Variants in OTUD7A observed in about 807,000 individuals in gnomAD.
OTUD7A encodes OTU domain-containing protein 7A.
In OTUD7A, 12 loss-of-function variants were observed where a neutral mutation model predicts 65.7. The observed-to-expected ratio is 0.18, with a 90% CI of 0.12 to 0.30. The LOEUF is 0.30. Ranked by LOEUF, OTUD7A falls within the 10% of genes least tolerant of loss-of-function variation. The probability of loss-of-function intolerance (pLI) is 1.00; values close to 1 mark genes in which losing one functional copy is unlikely to be tolerated. For missense variants in OTUD7A, 1,148 were observed against 1,304.8 expected, an observed-to-expected ratio of 0.88 and a Z score of 1.85; for synonymous variants, 641 against 586.3, an observed-to-expected ratio of 1.09 and a Z score of -1.35.
intron 1 of OTUD7A, among the ~76,000 whole-genome samples, chr15:31,857,108 T>C (rs932474567): frequency 1.3e-5 from 2 of 152,194 alleles, no homozygotes; most frequent in Non-Finnish European, 2.9e-5. Flanking sequence ...GACACTTCCT[T>C]GAGACGCCTC....
Position 31,734,401 on chromosome 15 carries a change from G to A in OTUD7A, c.-99-77324C>T, listed in dbSNP as rs370855754. ...AGATTCTTCATAGAACTAGAAAAAA[G>A]TATCTTAAATTTCATATGGAACCAA... On this transcript the variant is annotated intron_variant, in intron 1 of 12. Transcript: ENST00000307050. Among the ~76,000 whole-genome samples, 9 of 152,134 alleles carry A rather than the reference G, an allele frequency of 5.9e-5. No individual in the cohort carries two copies. The East Asian group carries it at 1.7e-3, about 29-fold the overall frequency.
intron 3 of OTUD7A, among the ~76,000 whole-genome samples, chr15:31,597,879 T>G (rs1159978362): frequency 6.6e-6 from 1 of 152,226 alleles, no homozygotes; most frequent in Non-Finnish European, 1.5e-5. Context: ...ATAGAGGGGC[T>G]GCTGGGCTTC....
chr15:31,849,814 T>C lies in OTUD7A; in HGVS notation c.-100+20693A>G, dbSNP rs143497584. Reference sequence around the variant, plus strand: ...CACATGAAAAAATGCTCATCATCACTGGCCATCACAGAAATGCAAATCAAA... The same window carrying C: ...CACATGAAAAAATGCTCATCATCACCGGCCATCACAGAAATGCAAATCAAA... On this transcript the variant is annotated intron_variant, in intron 1 of 12. Coordinates refer to ENST00000307050, the MANE Select transcript of OTUD7A (RefSeq NM_001382637.1). Among the ~76,000 whole-genome samples the C allele has an allele frequency of 1.4e-3, 217 of 152,304 alleles. 1 individual carries two copies. The highest frequency in any genetic ancestry group is 4.9e-3 in the African/African-American group (205 of 41,566).
intron 1 of OTUD7A, among the ~76,000 whole-genome samples, chr15:31,712,991 T>A (rs1339684392): frequency 6.6e-6 from 1 of 152,230 alleles, no homozygotes; most frequent in Non-Finnish European, 1.5e-5. Context: ...ATTTTAGATG[T>A]GTCATCTGTT....
chr15:31,646,859 G>A (rs1013806390), intron 3 of OTUD7A, among the ~76,000 whole-genome samples: 3 of 152,098 alleles, frequency 2.0e-5, no homozygotes, highest in African/African-American at 7.2e-5. Context: ...TTCCCCAATA[G>A]GAAGGAAATA....
intron 1 of OTUD7A, among the ~76,000 whole-genome samples, chr15:31,763,795 A>G (rs1895033589): frequency 1.3e-5 from 2 of 152,222 alleles, no homozygotes; most frequent in Admixed American, 1.3e-4. Context: ...TGAATACAGC[A>G]AGGAAAAATC....
At chr15:31,665,887 T>C (rs1892305493) in intron 1 of OTUD7A, among the ~76,000 whole-genome samples, 2 of 152,226 alleles carry the variant, frequency 1.3e-5, no homozygotes, top group African/African-American at 2.4e-5. Flanking sequence ...TTTTGTTGAA[T>C]GCTTTTTCTG....
intron 3 of OTUD7A, among the ~76,000 whole-genome samples, chr15:31,580,234 A>G (rs1041663552): frequency 2.0e-5 from 3 of 152,110 alleles, no homozygotes; most frequent in Non-Finnish European, 4.4e-5. Flanking sequence ...GGGCAGCAGG[A>G]GGAGAGGTCT....
intron 10 of OTUD7A, among the ~76,000 whole-genome samples, chr15:31,493,725 T>G (rs2041348607): frequency 6.6e-6 from 1 of 152,158 alleles, no homozygotes; most frequent in African/African-American, 2.4e-5. Context: ...CCCCCAAAAC[T>G]TGAAACTCAA....
chr15:31,760,565 T>G (rs559879043), intron 1 of OTUD7A, among the ~76,000 whole-genome samples: 1 of 152,358 alleles, frequency 6.6e-6, no homozygotes, highest in South Asian at 2.1e-4. Context: ...TTCCCAGTGT[T>G]GCTGTTAAAA....
intron 5 of OTUD7A, among the ~76,000 whole-genome samples, chr15:31,551,048 G>A (rs1888306588): frequency 6.6e-6 from 1 of 152,178 alleles, no homozygotes; most frequent in African/African-American, 2.4e-5. Flanking sequence ...TAGAGCAGCT[G>A]TGTGGATGGA....
intron 8 of OTUD7A, among the ~76,000 whole-genome samples, chr15:31,510,078 C>T (rs1237279607): frequency 1.3e-5 from 2 of 150,576 alleles, no homozygotes; most frequent in Non-Finnish European, 3.0e-5. Flanking sequence ...CGTCTGTTTC[C>T]CCTGTTTTTT....
intron 1 of OTUD7A, among the ~76,000 whole-genome samples, chr15:31,865,475 C>T (rs1032137112): frequency 2.0e-5 from 3 of 152,158 alleles, no homozygotes; most frequent in Non-Finnish European, 2.9e-5. Context: ...TCTTCTGCAA[C>T]GAAGACATGA....
intron 8 of OTUD7A, among the ~76,000 whole-genome samples, chr15:31,504,069 T>C (rs768052814): frequency 2.1e-4 from 32 of 152,068 alleles, no homozygotes; most frequent in Admixed American, 1.3e-4. Flanking sequence ...AGGTGAAGGG[T>C]GCCGGCCGCT....
chr15:31,728,282 A>T (rs190515877), intron 1 of OTUD7A, among the ~76,000 whole-genome samples: 29 of 152,234 alleles, frequency 1.9e-4, no homozygotes, highest in Admixed American at 1.8e-3. Context: ...TCCACCTTCA[A>T]AATAGCATTG....
chr15:31,721,185 A>T (rs1893728396), intron 1 of OTUD7A, among the ~76,000 whole-genome samples: 2 of 152,282 alleles, frequency 1.3e-5, no homozygotes, highest in Non-Finnish European at 2.9e-5. Flanking sequence ...CTATGTAATC[A>T]GTGTGTATGC....
At chr15:31,564,838 GA>G (rs1348575671) in intron 4 of OTUD7A, among the ~76,000 whole-genome samples, 4 of 152,034 alleles carry the variant, frequency 2.6e-5, no homozygotes, top group Non-Finnish European at 5.9e-5. Flanking sequence ...TATATCAGCA[GA>G]AAAAATGATA....
chr15:31,843,717 A>C (rs1446422865), intron 1 of OTUD7A, among the ~76,000 whole-genome samples: 1 of 152,222 alleles, frequency 6.6e-6, no homozygotes, highest in Non-Finnish European at 1.5e-5. Context: ...GCTACGCCTA[A>C]CTCAAACTTA....
At chr15:31,590,870 G>T (rs1403316049) in intron 3 of OTUD7A, among the ~76,000 whole-genome samples, 1 of 152,204 alleles carries the variant, frequency 6.6e-6, no homozygotes, top group Non-Finnish European at 1.5e-5. Flanking sequence ...TGTGGCCATG[G>T]ATTCACTGAG....
Sources: allele counts gnomAD v4.1 joint callset (sites outside exome capture counted in the v4.1 genomes callset), GRCh38; gene constraint gnomAD v4.1.1; transcripts MANE v1.5; gene names NCBI Gene and HGNC (gene_info 2026-07-23, HGNC 2026-07-21).